The following NFATC1 variants were observed in gnomAD, a reference collection of about 807,000 sequenced individuals.
NFATC1 encodes the protein nuclear factor of activated T cells 1, also known as nuclear factor of activated T-cells, cytoplasmic 1.
NFATC1 carries 22 observed loss-of-function variants against 76.0 expected under a neutral mutation model. That is an observed-to-expected ratio of 0.29 (90% CI 0.21 to 0.41). The LOEUF (loss-of-function observed/expected upper bound fraction) is 0.41, where lower values mean the gene tolerates loss of function less well. Ranked by LOEUF, NFATC1 falls within the 10% of genes least tolerant of loss-of-function variation. NFATC1 has a pLI of 1.00. For missense variants in NFATC1, 1,357 were observed against 1,337.7 expected (o/e 1.01, Z -0.23); for synonymous variants, 704 against 613.1 (o/e 1.15, Z -2.19).
At chr18:79,502,765 T>G (rs1366761544) in intron 9 of NFATC1, among the ~76,000 whole-genome samples, 3 of 152,230 alleles carry the variant, frequency 2.0e-5, no homozygotes, top group Non-Finnish European at 4.4e-5. Context: ...ATTGTAAATT[T>G]CAATAAGATA....
intron 2 of NFATC1, among the ~76,000 whole-genome samples, chr18:79,426,297 G>A (rs1420340241): frequency 2.2e-5 from 3 of 136,668 alleles, no homozygotes; most frequent in South Asian, 2.1e-4. Flanking sequence ...GCGAGCTTTC[G>A]GCTGAAAAAA....
chr18:79,469,210 A>T, intron 8 of NFATC1: 1 of 422,980 alleles, frequency 2.4e-6, no homozygotes, highest in African/African-American at 2.2e-5. Flanking sequence ...TTGAGTCCTA[A>T]TTAAACTTCA....
chr18:79,512,296 G>A (rs1309849113), intron 9 of NFATC1, among the ~76,000 whole-genome samples: 1 of 152,158 alleles, frequency 6.6e-6, no homozygotes, highest in Non-Finnish European at 1.5e-5. Flanking sequence ...AAACGGAAAA[G>A]CGTCTGACTG....
chr18:79,401,900 G>A (rs1350773987), intron 1 of NFATC1, among the ~76,000 whole-genome samples: 1 of 152,222 alleles, frequency 6.6e-6, no homozygotes, highest in African/African-American at 2.4e-5. Flanking sequence ...AGGCCCAGGG[G>A]GCCTGCAGGA....
intron 2 of NFATC1, among the ~76,000 whole-genome samples, chr18:79,415,728 A>G (rs777000707): frequency 6.6e-6 from 1 of 152,198 alleles, no homozygotes; most frequent in Non-Finnish European, 1.5e-5. Context: ...CTTGGTTTCA[A>G]TGATCAGAAA....
In NFATC1 at chr18:79,411,391, C is replaced by A; in HGVS notation, c.1116C>A (p.Ser372=). The part of the protein sequence containing the change: ...PPADFAPEDY[S]SFQHIRKGGF... ...CCGACTTCGCGCCCGAAGACTACTC[C>A]TCTTTCCAGCACATCAGGAAGGGCG... Residue 372 remains serine, a synonymous_variant, in exon 2 of 10, where the codon TCC becomes TCA. Coordinates refer to ENST00000427363, the MANE Select transcript of NFATC1 (RefSeq NM_001278669.2). 6.3e-7 allele frequency: 1 copy of A among 1,578,098 alleles called. No individual in the cohort carries two copies. Among genetic ancestry groups the A allele is most frequent in the Admixed American group, 1.8e-5 (1 of 55,126 alleles).
intron 2 of NFATC1, among the ~76,000 whole-genome samples, chr18:79,418,708 T>A (rs999246465): frequency 6.6e-6 from 1 of 152,204 alleles, no homozygotes; most frequent in African/African-American, 2.4e-5. Flanking sequence ...ATTTGCTCCT[T>A]CTTGAGCCGC....
Position 79,396,182 on chromosome 18 carries a change from TG to T in NFATC1, c.-42del. On this transcript the variant is annotated 5_prime_UTR_variant, in exon 1 of 10. Transcript: ENST00000427363. ...GGCAGCGCGGGGCGGCCGCTTCTCCTGTGCCTCCGCCCGCCGCTCCACTCCC... is the reference window on the plus strand; with the variant it reads ...GGCAGCGCGGGGCGGCCGCTTCTCCTTGCCTCCGCCCGCCGCTCCACTCCC... 7.0e-7 allele frequency: 1 copy of T among 1,424,922 alleles called. No homozygotes were observed. The allele number at this position is 1,424,922 out of a possible 1,614,324, so 88.3% of individuals were successfully genotyped here.
rs959517566 is a variant in NFATC1 at position 79,468,102 on chromosome 18, C to G, written c.2092+520C>G. 26 of 590,408 alleles carry G rather than the reference C, an allele frequency of 4.4e-5. No homozygotes were observed. In the African/African-American group the frequency reaches 5.1e-4, roughly 12 times the overall value. The allele number at this position is 590,408 out of a possible 1,614,324, so 36.6% of individuals were successfully genotyped here. ...TAACTTCATCTCCTGGGACCACGGG[C>G]ATCCAGGCTGGGGCACCTTCTCCTC... On this transcript the variant is annotated intron_variant, in intron 8 of 9. Transcript: ENST00000427363.
chr18:79,492,901 CT>C (rs10605674), intron 9 of NFATC1, among the ~76,000 whole-genome samples: 9,741 of 87,242 alleles, frequency 0.11, 364 homozygotes, highest in African/African-American at 0.12. Context: ...ATGAATCCAG[CT>C]TTTTTTTTTT....
chr18:79,420,235 G>A (rs565145732), intron 2 of NFATC1, among the ~76,000 whole-genome samples: 7 of 151,666 alleles, frequency 4.6e-5, no homozygotes, highest in Non-Finnish European at 7.4e-5. Flanking sequence ...GCGTTTCCAG[G>A]TGACGTCGCT....
chr18:79,410,424 C>G lies in NFATC1; in HGVS notation c.149C>G (p.Ser50Cys), dbSNP rs763800698. ...AEEEHYGYAS[S>C]NVSPALPLPT... is the part of the protein sequence containing the mutation. ...CTAGAACACTATGGCTATGCATCCTCCAACGTCAGCCCCGCCCTGCCGCTC... is the reference window on the plus strand; with the variant it reads ...CTAGAACACTATGGCTATGCATCCTGCAACGTCAGCCCCGCCCTGCCGCTC... Residue 50 changes from serine (S) to cysteine (C), a missense_variant, in exon 2 of 10, where the codon TCC (serine) becomes TGC (cysteine). Around this residue, in one of 3 missense-constraint regions of NFATC1, gnomAD observed 691 missense variants for 613.1 expected, o/e 1.13. Coordinates refer to ENST00000427363, the MANE Select transcript of NFATC1 (RefSeq NM_001278669.2). This position sits in a 1 kb window ranked among gnomAD's most constrained non-coding sequence, Gnocchi z 6.7. 2 of 1,610,976 alleles carry G rather than the reference C, an allele frequency of 1.2e-6. No individual in the cohort carries two copies. The highest frequency in any genetic ancestry group is 1.7e-6 in the Non-Finnish European group (2 of 1,179,258).
At chr18:79,464,706 A>ATATATAT (rs1568994824) in intron 7 of NFATC1, among the ~76,000 whole-genome samples, 1 of 81,716 alleles carries the variant, frequency 1.2e-5, no homozygotes, top group Non-Finnish European at 2.4e-5. Flanking sequence ...TTATTTATTT[A>ATATATAT]TTTATTTTTT....
intron 9 of NFATC1, among the ~76,000 whole-genome samples, chr18:79,510,791 C>A (rs1046084573): frequency 6.6e-6 from 1 of 152,192 alleles, no homozygotes; most frequent in Non-Finnish European, 1.5e-5. Context: ...TGGGCACAGA[C>A]CCCGGCATCC....
At chr18:79,498,361 AAAAAG>A (rs1600933432) in intron 9 of NFATC1, 6 of 152,088 alleles carry the variant, frequency 3.9e-5, no homozygotes, top group East Asian at 1.9e-4. Context: ...AAAAAAAAAA[AAAAAG>A]AAGCCAAATA....
intron 9 of NFATC1, among the ~76,000 whole-genome samples, chr18:79,520,822 G>T (rs60104021): frequency 0.21 from 4,201 of 20,218 alleles, 717 homozygotes; most frequent in Non-Finnish European, 0.31. Flanking sequence ...TCTGTGTGTG[G>T]GGGGGGGCAT....
chr18:79,475,950 T>A (rs1369299508), intron 8 of NFATC1, among the ~76,000 whole-genome samples: 1 of 152,118 alleles, frequency 6.6e-6, no homozygotes, highest in Non-Finnish European at 1.5e-5. Flanking sequence ...TCCAGACTTC[T>A]GTGAAAGAGC....
chr18:79,439,184 C>T (rs1038420373), intron 3 of NFATC1, among the ~76,000 whole-genome samples: 2 of 152,178 alleles, frequency 1.3e-5, no homozygotes, highest in African/African-American at 4.8e-5. Flanking sequence ...TGGTTTGCCA[C>T]ACACAGGAGC....
intron 1 of NFATC1, among the ~76,000 whole-genome samples, chr18:79,398,337 A>T (rs2085072075): frequency 6.6e-6 from 1 of 152,170 alleles, no homozygotes; most frequent in African/African-American, 2.4e-5. Context: ...CCCAGCTCAG[A>T]TTAGAAAATG....
Sources: gnomAD v4.1 joint callset for allele counts (sites outside exome capture counted in the v4.1 genomes callset) on GRCh38, gnomAD v4.1.1 for gene constraint, gnomAD v4.1.1 regional missense constraint, Gnocchi (gnomAD v3.1) non-coding constraint, MANE v1.5 for transcripts, NCBI Gene and HGNC (gene_info 2026-07-23, HGNC 2026-07-21) for gene names.